Variants in EPB41L3 observed in about 807,000 individuals in gnomAD.
EPB41L3 encodes band 4.1-like protein 3.
In EPB41L3, 57 loss-of-function variants were observed where a neutral mutation model predicts 127.1. The ratio of observed to expected loss-of-function variants is 0.45; its 90% CI spans 0.36 to 0.56. The LOEUF (loss-of-function observed/expected upper bound fraction) is 0.56. Ranked by LOEUF, EPB41L3 falls within the 20% of genes least tolerant of loss-of-function variation. The pLI, the probability that EPB41L3 is intolerant of heterozygous loss-of-function variation, is 0.00. For missense variants in EPB41L3, 1,273 were observed against 1,372.2 expected, an observed-to-expected ratio of 0.93 and a Z score of 1.14; for synonymous variants, 572 against 549.5, an observed-to-expected ratio of 1.04 and a Z score of -0.57.
intron 16 of EPB41L3, among the ~76,000 whole-genome samples, chr18:5,402,347 G>A (rs2074641734): frequency 6.6e-6 from 1 of 151,710 alleles, no homozygotes; most frequent in African/African-American, 2.4e-5. Flanking sequence ...GGAAGGAAAG[G>A]TCAAAATTAT....
intron 8 of EPB41L3, among the ~76,000 whole-genome samples, chr18:5,432,597 T>G (rs1031512389): frequency 6.6e-6 from 1 of 152,222 alleles, no homozygotes; most frequent in African/African-American, 2.4e-5. Flanking sequence ...TCCACAAGAC[T>G]TTTATTCTGG....
chr18:5,482,257 C>A (rs1023382111), intron 2 of EPB41L3, among the ~76,000 whole-genome samples: 2 of 152,002 alleles, frequency 1.3e-5, no homozygotes, highest in African/African-American at 4.8e-5. Flanking sequence ...GTAGAATGAA[C>A]AAAGCACAGG....
At chr18:5,618,713 C>T (rs2094826558) in intron 1 of EPB41L3, among the ~76,000 whole-genome samples, 1 of 152,090 alleles carries the variant, frequency 6.6e-6, no homozygotes, top group African/African-American at 2.4e-5. Context: ...TAAAAAAAAA[C>T]TACACCATAA....
At chr18:5,532,249 T>C (rs912657433) in intron 1 of EPB41L3, among the ~76,000 whole-genome samples, 1 of 152,244 alleles carries the variant, frequency 6.6e-6, no homozygotes, top group African/African-American at 2.4e-5. Context: ...TTTGAAATCT[T>C]GTTTACTACT....
At chr18:5,610,844 C>CAA in intron 3 of EPB41L3, among the ~76,000 whole-genome samples, 1 of 152,088 alleles carries the variant, frequency 6.6e-6, no homozygotes, top group Non-Finnish European at 1.5e-5. Flanking sequence ...ATTAACATGT[C>CAA]ATTAAATTTC....
At chr18:5,547,042 G>A (rs2093892471), upstream of EPB41L3, among the ~76,000 whole-genome samples, 1 of 85,434 alleles carries the variant, frequency 1.2e-5, no homozygotes, top group South Asian at 3.9e-4. Context: ...AAAACTAAAA[G>A]ATGTATCACC....
chr18:5,489,076 C>A lies in EPB41L3; in HGVS notation c.108G>T (p.Pro36=), dbSNP rs1292347059. Residue 36 remains proline (P), a synonymous_variant, in exon 2 of 23, where the codon CCG becomes CCT. Transcript: ENST00000341928. ...GGGCCTGCTGCTGCTCCTCCTTGGG[C>A]GGCTCCGGCACGGGCGCCCCCGCGC... ...QGRAGAPVPE[P]PKEEQQQALE... 3 of 1,594,114 alleles carry A rather than the reference C, an allele frequency of 1.9e-6. No individual in the cohort carries two copies. Among genetic ancestry groups the A allele is most frequent in the Non-Finnish European group, 2.6e-6 (3 of 1,174,844 alleles).
chr18:5,606,912 CTCTG>C (rs1390986105), intron 3 of EPB41L3, among the ~76,000 whole-genome samples: 46 of 146,518 alleles, frequency 3.1e-4, no homozygotes, highest in Non-Finnish European at 4.4e-4. Flanking sequence ...CTCTCTCTCT[CTCTG>C]TCTCTCTCTC....
intron 1 of EPB41L3, among the ~76,000 whole-genome samples, chr18:5,615,113 C>A (rs2144107707): frequency 6.6e-6 from 1 of 151,774 alleles, no homozygotes; most frequent in South Asian, 2.1e-4. Flanking sequence ...GGTTAAACAT[C>A]AAGAGAAAAG....
intron 3 of EPB41L3, among the ~76,000 whole-genome samples, chr18:5,571,394 T>C (rs2094278784): frequency 6.6e-6 from 1 of 152,240 alleles, no homozygotes; most frequent in South Asian, 2.1e-4. Flanking sequence ...GTTTATTTTT[T>C]TCAGCCTATT....
chr18:5,539,066 G>GT (rs1319863729), intron 1 of EPB41L3, among the ~76,000 whole-genome samples: 1 of 131,600 alleles, frequency 7.6e-6, no homozygotes, highest in African/African-American at 2.9e-5. Flanking sequence ...ATACAATTTC[G>GT]TAAGTATTTA....
intron 3 of EPB41L3, among the ~76,000 whole-genome samples, chr18:5,561,021 A>T (rs934574358): frequency 2.2e-5 from 3 of 133,628 alleles, no homozygotes; most frequent in African/African-American, 7.9e-5. Flanking sequence ...TCTGTCGCCC[A>T]GGCTGGAGTG....
intron 3 of EPB41L3, among the ~76,000 whole-genome samples, chr18:5,473,087 C>A (rs2086463858): frequency 6.6e-6 from 1 of 152,008 alleles, no homozygotes; most frequent in Non-Finnish European, 1.5e-5. Flanking sequence ...AATCTAGGGG[C>A]CAGATTTTTA....
Position 5,561,063 on chromosome 18 carries a change from C to T in EPB41L3, c.-306+51277G>A, listed in dbSNP as rs537152780. Among the ~76,000 whole-genome samples the T allele has an allele frequency of 3.5e-4, 51 of 147,232 alleles. 1 individual carries two copies. Among genetic ancestry groups the T allele is most frequent in the South Asian group, 2.4e-3 (11 of 4,558 alleles). On this transcript the variant is annotated intron_variant, in intron 3 of 21. Transcript: ENST00000545076. ...CGCGATCGCGGCTCACTGCAAGCTCCGCCTCCCAGGTTCACGCCATTCTCC... is the reference window on the plus strand; with the variant it reads ...CGCGATCGCGGCTCACTGCAAGCTCTGCCTCCCAGGTTCACGCCATTCTCC...
intron 1 of EPB41L3, among the ~76,000 whole-genome samples, chr18:5,496,149 G>A (rs1237501300): frequency 6.6e-6 from 1 of 152,214 alleles, no homozygotes; most frequent in Non-Finnish European, 1.5e-5. Flanking sequence ...TCTGCAGTAA[G>A]CTTTTAGCTT....
chr18:5,403,590 C>CAAAAAAAA (rs199992647), intron 16 of EPB41L3, among the ~76,000 whole-genome samples: 1 of 102,642 alleles, frequency 9.7e-6, no homozygotes, highest in African/African-American at 3.1e-5. Context: ...TCACTGAGAC[C>CAAAAAAAA]AAAAAAAAAA....
Position 5,582,305 on chromosome 18 carries a change from C to T in EPB41L3, c.-306+30035G>A, listed in dbSNP as rs142126043. Among the ~76,000 whole-genome samples the T allele has an allele frequency of 4.1e-3, 629 of 152,106 alleles. 5 individuals carry two copies. The highest frequency in any genetic ancestry group is 0.013 in the African/African-American group (534 of 41,478). ...CCCAACACAGGAGAGGAGAAGACAACGGAGCAGCTGGGCCTGCTTCACACA... is the reference window on the plus strand; with the variant it reads ...CCCAACACAGGAGAGGAGAAGACAATGGAGCAGCTGGGCCTGCTTCACACA... On this transcript the variant is annotated intron_variant, in intron 3 of 21. Coordinates refer to the EPB41L3 transcript ENST00000545076.
intron 3 of EPB41L3, among the ~76,000 whole-genome samples, chr18:5,579,591 C>A (rs1015154628): frequency 1.3e-5 from 2 of 152,198 alleles, no homozygotes; most frequent in African/African-American, 4.8e-5. Context: ...GGCTCCAAAG[C>A]CCAAGCTCTT....
At chr18:5,622,495 T>C (rs991265492) in intron 1 of EPB41L3, among the ~76,000 whole-genome samples, 2 of 152,210 alleles carry the variant, frequency 1.3e-5, no homozygotes, top group Admixed American at 1.3e-4. Context: ...CATCCCAGTA[T>C]GCAGTGAGCT....
Sources: allele counts gnomAD v4.1 joint callset (sites outside exome capture counted in the v4.1 genomes callset), GRCh38; gene constraint gnomAD v4.1.1; transcripts MANE v1.5; gene names NCBI Gene and HGNC (gene_info 2026-07-23, HGNC 2026-07-21).